PTDSS1: variants seen among roughly 807,000 people sequenced by gnomAD.
The protein encoded by PTDSS1 is phosphatidylserine synthase 1.
PTDSS1 carries 45 observed loss-of-function variants against 70.5 expected under a neutral mutation model. The observed-to-expected ratio is 0.64, with a 90% CI of 0.50 to 0.82. The LOEUF (loss-of-function observed/expected upper bound fraction) is 0.82. Ranked by LOEUF, PTDSS1 falls within the 40% of genes least tolerant of loss-of-function variation. PTDSS1 has a pLI of 0.00. For synonymous variants in PTDSS1, 188 were observed against 203.8 expected (o/e 0.92, Z 0.66); for missense variants, 417 against 586.1 (o/e 0.71, Z 2.98).
chr8:96,311,234 A>G (rs1364358090), intron 9 of PTDSS1, among the ~76,000 whole-genome samples: 1 of 152,216 alleles, frequency 6.6e-6, no homozygotes, highest in Non-Finnish European at 1.5e-5. Flanking sequence ...CTGAAATTCC[A>G]GAGACATCCA....
Position 96,328,017 on chromosome 8 carries a change from C to T in PTDSS1, c.1174-2196C>T, listed in dbSNP as rs142461281. On this transcript the variant is annotated intron_variant, in intron 10 of 12. Coordinates refer to ENST00000517309, the MANE Select transcript of PTDSS1 (RefSeq NM_014754.3). Reference sequence around the variant, plus strand: ...TTGTACGCAGGTGAAGTAGATTTGGCAATCACAACAGACCCTTTGTGTGAC... The same window carrying T: ...TTGTACGCAGGTGAAGTAGATTTGGTAATCACAACAGACCCTTTGTGTGAC... 2.4e-3 allele frequency among the ~76,000 whole-genome samples: 373 copies of T among 152,276 alleles called. 1 individual carries two copies. The highest frequency in any genetic ancestry group is 8.7e-3 in the African/African-American group (361 of 41,550).
rs769774179 is a variant in PTDSS1 at position 96,299,893 on chromosome 8, T to C, written c.752+48T>C. 57 of 1,556,320 alleles carry C rather than the reference T, an allele frequency of 3.7e-5. No homozygotes were observed. In the East Asian group the frequency reaches 1.3e-3, roughly 34 times the overall value. The stretch of plus-strand genomic sequence containing the variant: ...ATTAGTCACAGTTTTTCATGATATA[T>C]ATTTAATTGTTTTGGTAGGAATCCA... On this transcript the variant is annotated intron_variant, in intron 6 of 12. Coordinates refer to ENST00000517309, the MANE Select transcript of PTDSS1 (RefSeq NM_014754.3).
intron 7 of PTDSS1, 130 bp downstream of exon 7, chr8:96,304,311 G>C: frequency 1.7e-5 from 19 of 1,110,212 alleles, no homozygotes; most frequent in Non-Finnish European, 2.2e-5. Flanking sequence ...ATATTCTGCA[G>C]CTGGCATGTA....
chr8:96,326,008 A>G (rs1811433318), intron 10 of PTDSS1, among the ~76,000 whole-genome samples: 1 of 152,122 alleles, frequency 6.6e-6, no homozygotes, highest in Non-Finnish European at 1.5e-5. Context: ...GCTCCCCACC[A>G]CGAAACCTCC....
At chr8:96,296,889 C>A (rs1369526154) in intron 5 of PTDSS1, among the ~76,000 whole-genome samples, 1 of 152,214 alleles carries the variant, frequency 6.6e-6, no homozygotes, top group Non-Finnish European at 1.5e-5. Flanking sequence ...GGCACCTGGC[C>A]CTTGTCGGCC....
At position 96,336,319 on chromosome 8, in the gene PTDSS1, C is replaced by G. The variant is rs529505299; in HGVS notation, c.*2753C>G. On this transcript the variant is annotated 3_prime_UTR_variant, in exon 13 of 13. Coordinates refer to ENST00000517309, the MANE Select transcript of PTDSS1 (RefSeq NM_014754.3). ...TCCCTCAGAAGCCACCGTGTAGCAC[C>G]CTGGAATGATGCCTCTTTATGCCAA... 2 of 152,046 alleles carry G rather than the reference C, an allele frequency of 1.3e-5. No homozygotes were observed. The highest frequency in any genetic ancestry group is 4.8e-5 in the African/African-American group (2 of 41,290). 9.4% of individuals were successfully genotyped at this position (152,046 alleles called of 1,614,324 possible).
At chr8:96,319,581 G>A (rs555110027) in intron 9 of PTDSS1, among the ~76,000 whole-genome samples, 1 of 152,240 alleles carries the variant, frequency 6.6e-6, no homozygotes, top group Admixed American at 6.5e-5. Flanking sequence ...AAAAACGGGG[G>A]CTATTTCATC....
chr8:96,307,283 TA>T (rs1340335829), intron 8 of PTDSS1, among the ~76,000 whole-genome samples: 3 of 152,118 alleles, frequency 2.0e-5, no homozygotes, highest in African/African-American at 7.2e-5. Flanking sequence ...TTTAAGCAGT[TA>T]AAAGAGTTAG....
At chr8:96,327,786 G>A (rs1005650867) in intron 10 of PTDSS1, among the ~76,000 whole-genome samples, 2 of 152,148 alleles carry the variant, frequency 1.3e-5, no homozygotes, top group East Asian at 1.9e-4. Flanking sequence ...CTTGCCGCCA[G>A]CCCCGTGGTC....
At chr8:96,283,992 CTT>C in intron 2 of PTDSS1, 115 bp from the exon 3 acceptor site, 2 of 604,136 alleles carry the variant, frequency 3.3e-6, no homozygotes, top group Non-Finnish European at 5.4e-6. Context: ...AAAAAAAAAA[CTT>C]TTAACAGTAG....
chr8:96,300,305 T>A (rs1269169022), intron 6 of PTDSS1, among the ~76,000 whole-genome samples: 11 of 152,056 alleles, frequency 7.2e-5, no homozygotes, highest in African/African-American at 2.7e-4. Flanking sequence ...AATACATCCA[T>A]TACCCCAGTA....
intron 9 of PTDSS1, among the ~76,000 whole-genome samples, chr8:96,313,426 C>T (rs1009567238): frequency 2.0e-5 from 3 of 152,208 alleles, no homozygotes; most frequent in Non-Finnish European, 4.4e-5. Context: ...CTGATGTGAA[C>T]AAATTCTCCA....
At chr8:96,325,617 C>T (rs905405280) in intron 10 of PTDSS1, among the ~76,000 whole-genome samples, 1 of 152,140 alleles carries the variant, frequency 6.6e-6, no homozygotes, top group Non-Finnish European at 1.5e-5. Context: ...ACTGCCTCTG[C>T]GGCTGTCAGG....
Position 96,333,710 on chromosome 8 carries a change from G to A in PTDSS1, c.*144G>A. 2 of 813,022 alleles carry A rather than the reference G, an allele frequency of 2.5e-6. No homozygotes were observed. Among genetic ancestry groups the A allele is most frequent in the Non-Finnish European group, 4.2e-6 (2 of 479,292 alleles). The allele number at this position is 813,022 out of a possible 1,614,324, so 50.4% of individuals were successfully genotyped here. A position where few individuals can be genotyped will look rare whatever the true frequency, so the allele number is the denominator to read the frequency against. On this transcript the variant is annotated 3_prime_UTR_variant, in exon 13 of 13. Transcript: ENST00000517309. ...CACTTGGGGGTCATTATTTGAGATC[G>A]TAAGTCTTGTTTCCCACAGACCTGG...
At chr8:96,279,496 TC>T (rs1563564439) in intron 2 of PTDSS1, among the ~76,000 whole-genome samples, 1 of 151,440 alleles carries the variant, frequency 6.6e-6, no homozygotes, top group Non-Finnish European at 1.5e-5. Context: ...CCATCCTGTG[TC>T]CCCTCCTTCA....
intron 9 of PTDSS1, among the ~76,000 whole-genome samples, chr8:96,315,934 G>A (rs1204993815): frequency 6.6e-6 from 1 of 152,188 alleles, no homozygotes; most frequent in African/African-American, 2.4e-5. Context: ...AGTAGGAGGA[G>A]GTATGTGTTC....
intron 9 of PTDSS1, among the ~76,000 whole-genome samples, chr8:96,319,487 G>C (rs981752563): frequency 1.5e-5 from 2 of 131,358 alleles, no homozygotes; most frequent in Non-Finnish European, 3.4e-5. Flanking sequence ...TAAGTGTGTG[G>C]CGTTTCTTAA....
chr8:96,290,934 TTAATATTA>T (rs1427666725), intron 4 of PTDSS1, among the ~76,000 whole-genome samples: 2 of 146,532 alleles, frequency 1.4e-5, no homozygotes, highest in African/African-American at 5.1e-5. Flanking sequence ...TCCCTTAGAA[TTAATATTA>T]TAATATTATA....
At chr8:96,292,423 G>A (rs1810920890) in intron 4 of PTDSS1, among the ~76,000 whole-genome samples, 1 of 151,992 alleles carries the variant, frequency 6.6e-6, no homozygotes, top group African/African-American at 2.4e-5. Context: ...AAGGAAGCAC[G>A]ATAGTTAAAA....
Sources: gnomAD v4.1 joint callset for allele counts (sites outside exome capture counted in the v4.1 genomes callset) on GRCh38, gnomAD v4.1.1 for gene constraint, MANE v1.5 for transcripts, NCBI Gene and HGNC (gene_info 2026-07-23, HGNC 2026-07-21) for gene names.